The following RASSF4 variants were observed in gnomAD, a reference collection of about 807,000 sequenced individuals.
RASSF4 encodes ras association domain-containing protein 4.
In RASSF4, 38 loss-of-function variants were observed where a neutral mutation model predicts 41.1. The observed-to-expected ratio is 0.92, with a 90% CI of 0.71 to 1.21. The LOEUF is 1.21. RASSF4 is among the 50% of genes most tolerant of loss of function. The pLI is 0.00. For synonymous variants in RASSF4, 179 were observed against 163.4 expected (o/e 1.10, Z -0.73); for missense variants, 414 against 419.4 (o/e 0.99, Z 0.11).
At chr10:44,978,207 G>T in intron 3 of RASSF4, 1 of 623,752 alleles carries the variant, frequency 1.6e-6, no homozygotes, top group Admixed American at 3.5e-5. Flanking sequence ...CCGACTGCTG[G>T]GATCTTTTCT....
intron 1 of RASSF4, among the ~76,000 whole-genome samples, chr10:44,960,620 G>T (rs188862398): frequency 6.6e-6 from 1 of 152,318 alleles, no homozygotes; most frequent in East Asian, 1.9e-4. Flanking sequence ...CTGGCACGGC[G>T]GAGGGAGGGA....
At chr10:44,986,332 G>A (rs1199348222) in intron 6 of RASSF4, among the ~76,000 whole-genome samples, 2 of 152,194 alleles carry the variant, frequency 1.3e-5, no homozygotes, top group African/African-American at 4.8e-5. Context: ...GATTGCCAGT[G>A]TCATAGGAAC....
intron 2 of RASSF4, 185 bp from the exon 3 acceptor site, chr10:44,971,588 C>T: frequency 1.4e-6 from 1 of 693,690 alleles, no homozygotes; most frequent in Non-Finnish European, 2.6e-6. Context: ...CCCACCAGGG[C>T]CATGTGCAGA....
chr10:44,960,760 C>A (rs536388118), intron 1 of RASSF4, among the ~76,000 whole-genome samples: 2 of 152,324 alleles, frequency 1.3e-5, no homozygotes, highest in East Asian at 3.9e-4. Context: ...AAGGGCTGGG[C>A]TTCTGGAATT....
chr10:44,971,144 C>T (rs1470491181), intron 2 of RASSF4: 2 of 276,608 alleles, frequency 7.2e-6, no homozygotes, highest in South Asian at 3.5e-5. Context: ...CCCACAGAGC[C>T]CAGCTTGGGT....
At chr10:44,990,418 A>C (rs1180607310) in intron 8 of RASSF4, 1 of 155,794 alleles carries the variant, frequency 6.4e-6, no homozygotes, top group Non-Finnish European at 1.4e-5. Context: ...TAGCATATTC[A>C]CAAAAGAGCA....
In RASSF4 at chr10:44,971,655, G is replaced by A. The variant is rs546661428; in HGVS notation, c.63-118G>A. On this transcript the variant is annotated intron_variant, in intron 2 of 10. Coordinates refer to ENST00000340258, the MANE Select transcript of RASSF4 (RefSeq NM_032023.4). ...TCTCCTCTGGTTATGCCTGGCCGGCGAGAAGGGTGCTGTCACACTCCTGTT... is the reference window on the plus strand; with the variant it reads ...TCTCCTCTGGTTATGCCTGGCCGGCAAGAAGGGTGCTGTCACACTCCTGTT... The A allele has an allele frequency of 5.1e-4, 420 of 831,348 alleles. 2 individuals carry two copies. Among genetic ancestry groups the A allele is most frequent in the Non-Finnish European group, 8.1e-4 (381 of 470,178 alleles). 51.5% of individuals were successfully genotyped at this position (831,348 alleles called of 1,614,324 possible). A position where few individuals can be genotyped will look rare whatever the true frequency, so the allele number is the denominator to read the frequency against.
intron 3 of RASSF4, chr10:44,977,473 G>A: frequency 6.2e-7 from 1 of 1,612,754 alleles, no homozygotes; most frequent in Non-Finnish European, 8.5e-7. Context: ...GGGAGGCCAT[G>A]GCTTGGGCAG....
At chr10:44,982,168 T>TCCCCTGCTTGGCATGAGCAGACAGGC (rs1841733994) in intron 3 of RASSF4, 1 of 318,606 alleles carries the variant, frequency 3.1e-6, no homozygotes, top group African/African-American at 2.3e-5. Flanking sequence ...GGCAGAGAGG[T>TCCCCTGCTTGGCATGAGCAGACAGGC]CCCCTGCTTG....
At chr10:44,984,656 G>A in intron 5 of RASSF4, 157 bp from the exon 6 acceptor site, 1 of 818,584 alleles carries the variant, frequency 1.2e-6, no homozygotes, top group Non-Finnish European at 2.0e-6. Context: ...TCTGCAAGCT[G>A]GGAATATCCA....
chr10:44,976,326 A>C (rs1841424327), intron 3 of RASSF4: 1 of 152,266 alleles, frequency 6.6e-6, no homozygotes, highest in South Asian at 2.1e-4. Flanking sequence ...AACACACTTA[A>C]CAGAAGACAG....
chr10:44,972,795 C>T (rs981914707), intron 3 of RASSF4, among the ~76,000 whole-genome samples: 5 of 152,346 alleles, frequency 3.3e-5, no homozygotes, highest in South Asian at 2.1e-4. Context: ...GGTTGGCTCC[C>T]GGACTTTCTC....
chr10:44,982,709 C>T lies in RASSF4; in HGVS notation c.281+46C>T, dbSNP rs142741545. 639 of 1,592,002 alleles carry T rather than the reference C, an allele frequency of 4.0e-4. No homozygotes were observed. In the African/African-American group the frequency reaches 5.2e-3, roughly 13 times the overall value. On this transcript the variant is annotated intron_variant, in intron 4 of 10. Coordinates refer to ENST00000340258, the MANE Select transcript of RASSF4 (RefSeq NM_032023.4). ...GTGACACCTGCTCAGCCTGAGCTCCCGGGTTGGGGATATCCCGAGCCTCAG... is the reference window on the plus strand; with the variant it reads ...GTGACACCTGCTCAGCCTGAGCTCCTGGGTTGGGGATATCCCGAGCCTCAG...
chr10:44,962,368 A>C (rs1213088953), intron 1 of RASSF4, among the ~76,000 whole-genome samples: 1 of 152,264 alleles, frequency 6.6e-6, no homozygotes, highest in African/African-American at 2.4e-5. Flanking sequence ...GTGTGTTTGC[A>C]CGTGGATGCA....
In RASSF4 at chr10:44,960,739, G is replaced by A. The variant is rs554357524; in HGVS notation, c.-39+873G>A. Among the ~76,000 whole-genome samples, 254 of 152,304 alleles carry A rather than the reference G, an allele frequency of 1.7e-3. 2 individuals are homozygous for A. Among genetic ancestry groups the A allele is most frequent in the Non-Finnish European group, 3.2e-3 (220 of 68,026 alleles). On this transcript the variant is annotated intron_variant, in intron 1 of 10. Coordinates refer to ENST00000340258, the MANE Select transcript of RASSF4 (RefSeq NM_032023.4). The stretch of plus-strand genomic sequence containing the variant: ...TTTCACATAGGAATTAAATAAGGTC[G>A]CACAGCAAATAAGGGCTGGGCTTCT...
chr10:44,961,798 G>A (rs1477486859), intron 1 of RASSF4, among the ~76,000 whole-genome samples: 1 of 152,248 alleles, frequency 6.6e-6, no homozygotes, highest in Non-Finnish European at 1.5e-5. Context: ...TCACAGAGCA[G>A]AGCTTTAAAC....
chr10:44,979,304 C>T (rs965415710), intron 3 of RASSF4, among the ~76,000 whole-genome samples: 2 of 152,202 alleles, frequency 1.3e-5, no homozygotes, highest in Admixed American at 6.5e-5. Context: ...CCCTGGTCTT[C>T]TTACACCCCA....
At chr10:44,970,459 G>A (rs1169012206) in intron 2 of RASSF4, 195 bp downstream of exon 2, 4 of 579,084 alleles carry the variant, frequency 6.9e-6, no homozygotes, top group Non-Finnish European at 9.2e-6. Flanking sequence ...CCATGGCTGG[G>A]AGGCATGGGC....
intron 3 of RASSF4, chr10:44,982,204 C>T (rs1841735341): frequency 2.6e-6 from 1 of 388,660 alleles, no homozygotes; most frequent in Admixed American, 4.8e-5. Context: ...CTGTGCGTCC[C>T]TGGAACCACT....
Sources: gnomAD v4.1 joint callset for allele counts (sites outside exome capture counted in the v4.1 genomes callset) on GRCh38, gnomAD v4.1.1 for gene constraint, MANE v1.5 for transcripts, NCBI Gene and HGNC (gene_info 2026-07-23, HGNC 2026-07-21) for gene names.